Variants in RALYL observed in about 807,000 individuals in gnomAD.
The protein encoded by RALYL is RNA-binding Raly-like protein.
A neutral mutation model predicts 35.1 loss-of-function variants in RALYL; 29 were observed. The ratio of observed to expected loss-of-function variants is 0.83; its 90% confidence interval spans 0.61 to 1.13. The LOEUF (loss-of-function observed/expected upper bound fraction) is 1.13, where lower values mean the gene tolerates loss of function less well. Ranked by LOEUF, RALYL falls within the 50% of genes most tolerant of loss-of-function variation. The pLI is 0.00. For synonymous variants in RALYL, 120 were observed against 127.6 expected (o/e 0.94, Z 0.40); for missense variants, 359 against 360.4 (o/e 1.00, Z 0.03).
chr8:84,851,977 G>T (rs1286719095), intron 5 of RALYL, among the ~76,000 whole-genome samples: 1 of 152,128 alleles, frequency 6.6e-6, no homozygotes. Flanking sequence ...TATCCTTGGG[G>T]ACTATCAGTA....
intron 2 of RALYL, among the ~76,000 whole-genome samples, chr8:84,639,054 A>G (rs1380747966): frequency 6.7e-6 from 1 of 150,296 alleles, no homozygotes; most frequent in Non-Finnish European, 1.5e-5. Flanking sequence ...TCATGAGTCA[A>G]AAGGTCTTTT....
chr8:84,845,053 G>A (rs1402833621), intron 4 of RALYL, among the ~76,000 whole-genome samples: 3 of 151,996 alleles, frequency 2.0e-5, no homozygotes. Context: ...CACCCACACG[G>A]CACATGTATA....
At chr8:84,258,904 G>C (rs1192916084) in intron 1 of RALYL, among the ~76,000 whole-genome samples, 1 of 152,024 alleles carries the variant, frequency 6.6e-6, no homozygotes, top group African/African-American at 2.4e-5. Context: ...CCTCTTTTGT[G>C]TTCTCTTTGT....
chr8:84,740,604 TCAG>T (rs1807067989), intron 2 of RALYL, among the ~76,000 whole-genome samples: 1 of 152,052 alleles, frequency 6.6e-6, no homozygotes, highest in Non-Finnish European at 1.5e-5. Flanking sequence ...ACAAAGTTGT[TCAG>T]CAGATTACTA....
In RALYL at chr8:84,400,143, A is replaced by G. The variant is rs1341466630; in HGVS notation, c.-23-129156A>G. Among the ~76,000 whole-genome samples the G allele has an allele frequency of 2.6e-5, 4 of 152,304 alleles. No individual in the cohort carries two copies. The South Asian group carries it at 8.3e-4, about 32-fold the overall frequency. On this transcript the variant is annotated intron_variant, in intron 1 of 8. Transcript: ENST00000521268. Reference sequence around the variant, plus strand: ...AAAGAAAAAAAAAATGCTTGGGACCAGAAGTGTGTCATTTTTTGGATTTTG... The same window carrying G: ...AAAGAAAAAAAAAATGCTTGGGACCGGAAGTGTGTCATTTTTTGGATTTTG...
At chr8:84,581,623 A>C (rs1260436267) in intron 2 of RALYL, among the ~76,000 whole-genome samples, 1 of 152,158 alleles carries the variant, frequency 6.6e-6, no homozygotes, top group Non-Finnish European at 1.5e-5. Flanking sequence ...TTTCATCTCC[A>C]TGACTTGTCA....
chr8:84,188,831 C>A (rs1318790443), intron 1 of RALYL, among the ~76,000 whole-genome samples: 2 of 152,056 alleles, frequency 1.3e-5, no homozygotes, highest in East Asian at 1.9e-4. Context: ...ATTTTGTTTT[C>A]TTTTGTTAGA....
chr8:84,751,895 T>C (rs1226077583), intron 2 of RALYL, among the ~76,000 whole-genome samples: 2 of 152,168 alleles, frequency 1.3e-5, no homozygotes, highest in Admixed American at 6.5e-5. Context: ...TAGTTGTTTA[T>C]AGCAATGTGA....
chr8:84,186,814 A>C (rs1461711105), intron 1 of RALYL, among the ~76,000 whole-genome samples: 1 of 151,984 alleles, frequency 6.6e-6, no homozygotes, highest in Non-Finnish European at 1.5e-5. Flanking sequence ...ATTACATTCA[A>C]ATTTTTCAGA....
intron 2 of RALYL, among the ~76,000 whole-genome samples, chr8:84,717,829 G>A (rs1352867963): frequency 2.6e-5 from 4 of 152,122 alleles, no homozygotes; most frequent in African/African-American, 4.8e-5. Context: ...TTTGCCCTAG[G>A]AGACTTCCTA....
chr8:84,311,607 T>C (rs528153869), intron 1 of RALYL, among the ~76,000 whole-genome samples: 3 of 152,128 alleles, frequency 2.0e-5, no homozygotes, highest in Non-Finnish European at 2.9e-5. Context: ...TGGTTACCTG[T>C]AAATTAATCT....
chr8:84,887,380 G>C (rs146629643), intron 7 of RALYL, among the ~76,000 whole-genome samples: 91 of 152,146 alleles, frequency 6.0e-4, no homozygotes, highest in Admixed American at 2.3e-3. Context: ...CCTAATTTTT[G>C]CTAATTCTGT....
intron 1 of RALYL, among the ~76,000 whole-genome samples, chr8:84,450,937 G>A (rs1262040886): frequency 1.3e-5 from 2 of 151,900 alleles, no homozygotes; most frequent in East Asian, 1.9e-4. Flanking sequence ...ATGGGGTTCT[G>A]CTTATGTCTG....
At chr8:84,252,828 G>A (rs1439052270) in intron 1 of RALYL, among the ~76,000 whole-genome samples, 2 of 152,106 alleles carry the variant, frequency 1.3e-5, no homozygotes, top group East Asian at 1.9e-4. Flanking sequence ...TTGAAGGTTA[G>A]CATTCCAAAT....
intron 1 of RALYL, among the ~76,000 whole-genome samples, chr8:84,401,608 A>G (rs113918067): frequency 0.036 from 4,847 of 133,744 alleles, 279 homozygotes; most frequent in African/African-American, 0.13. Flanking sequence ...ACTGCAGTCC[A>G]GCCTGGGCGA....
chr8:84,337,922 A>T (rs540268489), intron 1 of RALYL, among the ~76,000 whole-genome samples: 4 of 152,128 alleles, frequency 2.6e-5, no homozygotes, highest in Admixed American at 2.0e-4. Context: ...CTGGGAGCTT[A>T]AAAAATTCCC....
At chr8:84,684,487 C>T (rs1401597216) in intron 2 of RALYL, among the ~76,000 whole-genome samples, 1 of 151,948 alleles carries the variant, frequency 6.6e-6, no homozygotes, top group African/African-American at 2.4e-5. Flanking sequence ...TGATTGAGCT[C>T]CATATTAAAG....
At chr8:84,469,128 G>A (rs962593446) in intron 1 of RALYL, among the ~76,000 whole-genome samples, 1 of 152,100 alleles carries the variant, frequency 6.6e-6, no homozygotes, top group East Asian at 1.9e-4. Context: ...ATCGTCTGAA[G>A]CCTTCTTCTC....
intron 1 of RALYL, among the ~76,000 whole-genome samples, chr8:84,258,751 C>T (rs1343513479): frequency 2.6e-5 from 4 of 152,000 alleles, no homozygotes; most frequent in Non-Finnish European, 4.4e-5. Context: ...TATAATTCAA[C>T]GATTGTTACT....
Sources: allele counts gnomAD v4.1 joint callset (sites outside exome capture counted in the v4.1 genomes callset), GRCh38; gene constraint gnomAD v4.1.1; transcripts MANE v1.5; gene names NCBI Gene and HGNC (gene_info 2026-07-23, HGNC 2026-07-21).